Variants in BTRC observed in about 807,000 individuals in gnomAD.
BTRC encodes beta-transducin repeat containing E3 ubiquitin protein ligase, also known as F-box/WD repeat-containing protein 1A.
A neutral mutation model predicts 85.5 loss-of-function variants in BTRC; 42 were observed. The ratio of observed to expected loss-of-function variants is 0.49; its 90% CI spans 0.38 to 0.64. The LOEUF (loss-of-function observed/expected upper bound fraction) is 0.64, where lower values mean the gene tolerates loss of function less well. Ranked by LOEUF, BTRC falls within the 30% of genes least tolerant of loss-of-function variation. BTRC has a pLI of 0.00. For missense variants in BTRC, 594 were observed against 743.5 expected (o/e 0.80, Z 2.34); for synonymous variants, 255 against 263.3 (o/e 0.97, Z 0.30).
chr10:101,414,552 T>A (rs1943873555), intron 1 of BTRC: 4 of 457,572 alleles, frequency 8.7e-6, no homozygotes, highest in Admixed American at 2.6e-5. Context: ...TTAAAAAAAA[T>A]TAACTGTAAA....
At chr10:101,454,284 G>A (rs940611896) in intron 2 of BTRC, among the ~76,000 whole-genome samples, 1 of 152,194 alleles carries the variant, frequency 6.6e-6, no homozygotes, top group South Asian at 2.1e-4. Context: ...GAAAGTAACA[G>A]TGCAGACATT....
intron 3 of BTRC, among the ~76,000 whole-genome samples, chr10:101,470,796 GA>G (rs1945504812): frequency 6.6e-6 from 1 of 152,186 alleles, no homozygotes; most frequent in African/African-American, 2.4e-5. Flanking sequence ...TACGTGCCAT[GA>G]AGTAGAGTTT....
intron 3 of BTRC, among the ~76,000 whole-genome samples, chr10:101,476,683 G>A (rs9420824): frequency 0.37 from 56,129 of 151,294 alleles, 11,559 homozygotes; most frequent in Middle Eastern, 0.49. Flanking sequence ...GTTTCAAGTA[G>A]CCCTCCTGCC....
intron 2 of BTRC, among the ~76,000 whole-genome samples, chr10:101,436,435 A>C (rs1017964810): frequency 7.2e-5 from 11 of 152,240 alleles, no homozygotes; most frequent in African/African-American, 2.2e-4. Context: ...ACATGAGCCC[A>C]GGAGTTCGAG....
chr10:101,442,484 G>A (rs1311030787), intron 2 of BTRC, among the ~76,000 whole-genome samples: 1 of 152,002 alleles, frequency 6.6e-6, no homozygotes, highest in South Asian at 2.1e-4. Flanking sequence ...AGTTCAGAAG[G>A]TCCCAGGATG....
At chr10:101,549,713 C>CA (rs755481178) in intron 13 of BTRC, among the ~76,000 whole-genome samples, 2,372 of 42,480 alleles carry the variant, frequency 0.056, 265 homozygotes, top group African/African-American at 0.061. Flanking sequence ...GACTCTGTCT[C>CA]AAAAAAAAAA....
intron 1 of BTRC, among the ~76,000 whole-genome samples, chr10:101,364,546 C>T (rs1158464857): frequency 1.3e-5 from 2 of 152,160 alleles, no homozygotes; most frequent in Admixed American, 1.3e-4. Flanking sequence ...TTGCAAAGAT[C>T]AGGTGCTGAT....
intron 1 of BTRC, among the ~76,000 whole-genome samples, chr10:101,429,066 G>C (rs1944331761): frequency 6.6e-6 from 1 of 152,148 alleles, no homozygotes; most frequent in African/African-American, 2.4e-5. Flanking sequence ...GGAGAAAAAA[G>C]TCTATGACAA....
At chr10:101,412,188 CA>C (rs1235534664) in intron 1 of BTRC, among the ~76,000 whole-genome samples, 1 of 152,222 alleles carries the variant, frequency 6.6e-6, no homozygotes, top group Non-Finnish European at 1.5e-5. Context: ...GGAACTGAGT[CA>C]GGGGTGTCCT....
chr10:101,542,277 A>AT lies in BTRC; in HGVS notation c.1656+3918dup, dbSNP rs941780424. On this transcript the variant is annotated intron_variant, in intron 13 of 14. Coordinates refer to ENST00000370187, the MANE Select transcript of BTRC (RefSeq NM_033637.4). ...CCTGTTTCCTTTTTTGGTTTCATTG[A>AT]TTTTTTTTTTTTATTTTTCTAGCTT... is the stretch of plus-strand genomic sequence containing the variant. Among the ~76,000 whole-genome samples, 119 of 147,912 alleles carry AT rather than the reference A, an allele frequency of 8.0e-4. No individual in the cohort carries two copies. In the Middle Eastern group the frequency reaches 0.011, roughly 13 times the overall value.
intron 13 of BTRC, among the ~76,000 whole-genome samples, chr10:101,541,121 G>A (rs903337189): frequency 6.0e-5 from 9 of 149,348 alleles, no homozygotes; most frequent in African/African-American, 2.0e-4. Context: ...AATTGCACTG[G>A]CTAAGACCTC....
chr10:101,403,825 G>A (rs1368949455), intron 1 of BTRC, among the ~76,000 whole-genome samples: 1 of 151,606 alleles, frequency 6.6e-6, no homozygotes, highest in East Asian at 1.9e-4. Context: ...GAACTCCTGG[G>A]CTGAAGCAAT....
rs147307897 is a variant in BTRC at position 101,395,832 on chromosome 10, A to G, written c.49-34513A>G. 2.8e-4 allele frequency among the ~76,000 whole-genome samples: 43 copies of G among 152,284 alleles called. No homozygotes were observed. In the East Asian group the frequency reaches 7.7e-3, roughly 27 times the overall value. The stretch of plus-strand genomic sequence containing the variant: ...TACCATATTATGAATAATCTTTTAC[A>G]TGCCTGTAGGGGACTAATGGGAAAT... On this transcript the variant is annotated intron_variant, in intron 1 of 14. Transcript: ENST00000370187.
At chr10:101,366,898 T>TAATATATATTTA (rs1942427552) in intron 1 of BTRC, among the ~76,000 whole-genome samples, 7 of 35,138 alleles carry the variant, frequency 2.0e-4, no homozygotes, top group Non-Finnish European at 2.8e-4. Flanking sequence ...TTATATATAT[T>TAATATATATTTA]TATATATATT....
intron 4 of BTRC, among the ~76,000 whole-genome samples, chr10:101,490,045 G>A (rs1174952996): frequency 6.6e-6 from 1 of 152,016 alleles, no homozygotes; most frequent in East Asian, 1.9e-4. Context: ...TCTTATGCAT[G>A]GGACCAGTTG....
At chr10:101,509,873 T>C (rs536848871) in intron 4 of BTRC, among the ~76,000 whole-genome samples, 1 of 151,898 alleles carries the variant, frequency 6.6e-6, no homozygotes, top group Non-Finnish European at 1.5e-5. Context: ...GCTTTTTTTT[T>C]AAAGATGCTT....
chr10:101,510,533 G>C (rs887997824), intron 4 of BTRC, among the ~76,000 whole-genome samples: 1 of 151,346 alleles, frequency 6.6e-6, no homozygotes, highest in Non-Finnish European at 1.5e-5. Flanking sequence ...AAAAAAAGTC[G>C]TTGTTAGATG....
At chr10:101,424,631 C>T (rs1239955633) in intron 1 of BTRC, among the ~76,000 whole-genome samples, 1 of 152,130 alleles carries the variant, frequency 6.6e-6, no homozygotes, top group East Asian at 1.9e-4. Flanking sequence ...AGCCCTTTGC[C>T]TGCAGGGCTA....
intron 2 of BTRC, among the ~76,000 whole-genome samples, chr10:101,448,173 C>T (rs1433822560): frequency 6.6e-6 from 1 of 152,080 alleles, no homozygotes; most frequent in African/African-American, 2.4e-5. Context: ...TAACTTAAGA[C>T]CTTAGGCTTA....
Sources: gnomAD v4.1 joint callset for allele counts (sites outside exome capture counted in the v4.1 genomes callset) on GRCh38, gnomAD v4.1.1 for gene constraint, MANE v1.5 for transcripts, NCBI Gene and HGNC (gene_info 2026-07-23, HGNC 2026-07-21) for gene names.